The following RABGAP1L variants were observed in gnomAD, a reference collection of about 807,000 sequenced individuals.
RABGAP1L encodes the protein RAB GTPase activating protein 1 like.
Under a neutral mutation model 137.7 loss-of-function variants are expected in RABGAP1L, and 63 were observed. That is an observed-to-expected ratio of 0.46 (90% CI 0.37 to 0.56). The LOEUF (loss-of-function observed/expected upper bound fraction) is 0.56, where lower values mean the gene tolerates loss of function less well. Among genes scored for constraint, RABGAP1L ranks in the 20% least tolerant of loss-of-function variants. The pLI, the probability that RABGAP1L is intolerant of heterozygous loss-of-function variation, is 0.00. For missense variants in RABGAP1L, 1,095 were observed against 1,244.0 expected, an observed-to-expected ratio of 0.88 and a Z score of 1.80; for synonymous variants, 431 against 433.7, an observed-to-expected ratio of 0.99 and a Z score of 0.08.
intron 11 of RABGAP1L, among the ~76,000 whole-genome samples, chr1:174,348,679 T>C (rs1385150152): frequency 6.8e-6 from 1 of 147,150 alleles, no homozygotes; most frequent in Non-Finnish European, 1.5e-5. Context: ...CATGCTGCCT[T>C]CAAGCATCTG....
chr1:174,989,894 G>C lies in RABGAP1L; in HGVS notation c.3049G>C (p.Ala1017Pro), dbSNP rs1303915729. 3.2e-6 allele frequency: 5 copies of C among 1,550,434 alleles called. No individual in the cohort carries two copies. The African/African-American group carries it at 4.1e-5, about 13-fold the overall frequency. The part of the protein sequence containing the change: ...RGALMNEIQA[A>P]KNSWFSKTLN... Reference sequence around the variant, plus strand: ...AGCCCTTATGAATGAAATCCAAGCTGCGAAAAACTCTTGGTTTAGCAAAAC... The same window carrying C: ...AGCCCTTATGAATGAAATCCAAGCTCCGAAAAACTCTTGGTTTAGCAAAAC... Residue 1017 changes from alanine (A) to proline (P), a missense_variant, in exon 26 of 26, where the codon GCG (alanine) becomes CCG (proline). Ala to Pro is a conservative substitution (Grantham distance 27). Transcript: ENST00000681986.
At chr1:174,468,746 A>G (rs1027720485) in intron 13 of RABGAP1L, among the ~76,000 whole-genome samples, 1 of 151,980 alleles carries the variant, frequency 6.6e-6, no homozygotes, top group Non-Finnish European at 1.5e-5. Flanking sequence ...AAATCATTCC[A>G]GTTTCTTCTG....
intron 12 of RABGAP1L, among the ~76,000 whole-genome samples, chr1:174,385,288 C>A (rs1420125388): frequency 6.6e-6 from 1 of 152,088 alleles, no homozygotes; most frequent in African/African-American, 2.4e-5. Context: ...AAATAACTGG[C>A]CACTGATGTC....
At chr1:174,169,982 C>T (rs548749171) in intron 1 of RABGAP1L, among the ~76,000 whole-genome samples, 2 of 152,306 alleles carry the variant, frequency 1.3e-5, no homozygotes, top group African/African-American at 4.8e-5. Flanking sequence ...CTAAACCCTG[C>T]ACAATTTTTC....
chr1:174,519,361 G>A (rs1194989456), intron 13 of RABGAP1L, among the ~76,000 whole-genome samples: 1 of 152,058 alleles, frequency 6.6e-6, no homozygotes, highest in Non-Finnish European at 1.5e-5. Context: ...CTTGGAGTCC[G>A]ATGTTTGAGG....
chr1:174,655,086 T>C (rs1007984800), intron 14 of RABGAP1L, among the ~76,000 whole-genome samples: 1 of 150,218 alleles, frequency 6.7e-6, no homozygotes, highest in Admixed American at 6.6e-5. Flanking sequence ...CCTAAACTGT[T>C]TGAGAGTGAT....
At chr1:174,657,242 T>C (rs964216169) in intron 14 of RABGAP1L, among the ~76,000 whole-genome samples, 2 of 152,254 alleles carry the variant, frequency 1.3e-5, no homozygotes, top group African/African-American at 4.8e-5. Context: ...ATATTTATCA[T>C]TTCTTTGTGT....
At chr1:174,876,025 G>T (rs190246326) in intron 19 of RABGAP1L, among the ~76,000 whole-genome samples, 154 of 152,048 alleles carry the variant, frequency 1.0e-3, no homozygotes, top group Admixed American at 2.6e-3. Flanking sequence ...CCTTGTGCTC[G>T]CTCTTATAAG....
intron 19 of RABGAP1L, among the ~76,000 whole-genome samples, chr1:174,837,631 T>A (rs1692906173): frequency 6.6e-6 from 1 of 152,234 alleles, no homozygotes; most frequent in Non-Finnish European, 1.5e-5. Flanking sequence ...ATGCCAAATA[T>A]GGCATTTATT....
chr1:174,337,844 G>A (rs1681617377), intron 11 of RABGAP1L, among the ~76,000 whole-genome samples: 1 of 152,186 alleles, frequency 6.6e-6, no homozygotes, highest in Non-Finnish European at 1.5e-5. Flanking sequence ...AAATATTTGT[G>A]TACCTGCTAT....
chr1:174,791,475 C>T (rs1012066211), intron 18 of RABGAP1L, among the ~76,000 whole-genome samples: 6 of 152,096 alleles, frequency 3.9e-5, no homozygotes, highest in African/African-American at 1.4e-4. Context: ...TATTTTTTAA[C>T]AGCAATGACA....
At chr1:174,792,479 G>A (rs1254580188) in intron 18 of RABGAP1L, among the ~76,000 whole-genome samples, 1 of 152,188 alleles carries the variant, frequency 6.6e-6, no homozygotes, top group Non-Finnish European at 1.5e-5. Flanking sequence ...GACTTAGTCT[G>A]TGTTGCTGTA....
chr1:174,260,208 G>A (rs138595590), intron 7 of RABGAP1L, among the ~76,000 whole-genome samples: 1 of 152,158 alleles, frequency 6.6e-6, no homozygotes, highest in Non-Finnish European at 1.5e-5. Context: ...CCAGAAACTG[G>A]TAGAGCCAGG....
At chr1:174,415,148 G>A (rs921447493) in intron 13 of RABGAP1L, among the ~76,000 whole-genome samples, 4 of 152,016 alleles carry the variant, frequency 2.6e-5, no homozygotes, top group African/African-American at 9.7e-5. Flanking sequence ...TTATTCGTTA[G>A]ATTGTTTCAA....
chr1:174,820,796 C>T (rs997273569), intron 19 of RABGAP1L, among the ~76,000 whole-genome samples: 4 of 152,014 alleles, frequency 2.6e-5, no homozygotes, highest in South Asian at 2.1e-4. Flanking sequence ...GCGGGCAGAT[C>T]GCCTGAGCTC....
At chr1:174,575,301 C>T (rs889101060) in intron 13 of RABGAP1L, among the ~76,000 whole-genome samples, 2 of 152,114 alleles carry the variant, frequency 1.3e-5, no homozygotes, top group African/African-American at 4.8e-5. Flanking sequence ...TGGTAAAAAA[C>T]ATACCATTTT....
chr1:174,838,517 G>C (rs183259463), intron 19 of RABGAP1L, among the ~76,000 whole-genome samples: 12 of 152,270 alleles, frequency 7.9e-5, no homozygotes, highest in Admixed American at 5.9e-4. Context: ...TTATCTAACT[G>C]ATGATAGTGA....
At chr1:174,610,505 C>T (rs1671133745) in intron 13 of RABGAP1L, among the ~76,000 whole-genome samples, 2 of 151,980 alleles carry the variant, frequency 1.3e-5, no homozygotes, top group Admixed American at 1.3e-4. Context: ...GAATAGTGGA[C>T]AATAAACATA....
intron 14 of RABGAP1L, among the ~76,000 whole-genome samples, chr1:174,657,719 C>T (rs1676067766): frequency 6.6e-6 from 1 of 152,172 alleles, no homozygotes; most frequent in Admixed American, 6.5e-5. Context: ...GATATCCCTT[C>T]AACATCTTGA....
Sources: allele counts gnomAD v4.1 joint callset (sites outside exome capture counted in the v4.1 genomes callset), GRCh38; gene constraint gnomAD v4.1.1; transcripts MANE v1.5; gene names NCBI Gene and HGNC (gene_info 2026-07-23, HGNC 2026-07-21).